SMC1A: variants seen among roughly 807,000 people sequenced by gnomAD.
SMC1A encodes the protein structural maintenance of chromosomes 1A, also known as structural maintenance of chromosomes protein 1A.
Under a neutral mutation model 94.5 loss-of-function variants are expected in SMC1A, and 4 were observed. The observed-to-expected ratio is 0.04, with a 90% confidence interval of 0.02 to 0.10. The LOEUF is 0.10. Ranked by LOEUF, SMC1A falls within the 10% of genes least tolerant of loss-of-function variation. SMC1A has a pLI of 1.00. For synonymous variants in SMC1A, 345 were observed against 347.7 expected (o/e 0.99, Z 0.09); for missense variants, 304 against 989.0 (o/e 0.31, Z 9.29).
At chrX:53,394,376 C>T (rs192999357) in intron 19 of SMC1A, among the ~76,000 whole-genome samples, 7 of 109,459 alleles carry the variant, frequency 6.4e-5, no homozygotes, top group East Asian at 2.9e-4. Context: ...GCGGAAGCCA[C>T]GGAAGTAAAG....
In SMC1A at chrX:53,378,018, T is replaced by C. The variant is rs1030897993; in HGVS notation, c.*2085A>G. On this transcript the variant is annotated 3_prime_UTR_variant, in exon 25 of 25. Transcript: ENST00000322213. ...TGTCTTTTAATATGTATTAGAAGAATACATAATTAGCACACATCAAACCTG... is the reference window on the plus strand; with the variant it reads ...TGTCTTTTAATATGTATTAGAAGAACACATAATTAGCACACATCAAACCTG... 3.6e-5 allele frequency: 4 copies of C among 112,470 alleles called. No individual in the cohort carries two copies. Among genetic ancestry groups the C allele is most frequent in the Non-Finnish European group, 5.6e-5 (3 of 53,355 alleles). 9.3% of individuals were successfully genotyped at this position (112,470 alleles called of 1,213,427 possible).
In SMC1A at chrX:53,421,768, C is replaced by T. The variant is rs985890416; in HGVS notation, c.109+724G>A. ...TGGAGTTGGTTTATTCTATTCTCCG[C>T]TGTTTCCACAACTTGCAACTGAATA... On this transcript the variant is annotated intron_variant, in intron 1 of 24. Coordinates refer to ENST00000322213, the MANE Select transcript of SMC1A (RefSeq NM_006306.4). 9 of 721,026 alleles carry T rather than the reference C, an allele frequency of 1.2e-5. No individual in the cohort carries two copies. The East Asian group carries it at 2.8e-4, about 22-fold the overall frequency. The allele number at this position is 721,026 out of a possible 1,213,427, so 59.4% of individuals were successfully genotyped here. A position where few individuals can be genotyped will look rare whatever the true frequency, so the allele number is the denominator to read the frequency against.
chrX:53,412,796 CAG>C, intron 5 of SMC1A, 102 bp downstream of exon 5: 1 of 1,140,271 alleles, frequency 8.8e-7, no homozygotes, highest in Non-Finnish European at 1.2e-6. Context: ...AGGAGAATAA[CAG>C]AGAAATGAGT....
chrX:53,409,799 T>C (rs1556890257), intron 7 of SMC1A, among the ~76,000 whole-genome samples: 1 of 112,192 alleles, frequency 8.9e-6, no homozygotes, highest in Non-Finnish European at 1.9e-5. Flanking sequence ...CACAGGCCTT[T>C]CTGTACCTGT....
At chrX:53,419,238 A>G (rs140551050) in intron 1 of SMC1A, among the ~76,000 whole-genome samples, 240 of 109,957 alleles carry the variant, frequency 2.2e-3, no homozygotes, top group Middle Eastern at 9.5e-3. Context: ...GTATAAGACT[A>G]TGATTAGGTT....
At chrX:53,411,107 A>G (rs1212617891) in intron 7 of SMC1A, among the ~76,000 whole-genome samples, 1 of 108,682 alleles carries the variant, frequency 9.2e-6, no homozygotes, top group Non-Finnish European at 1.9e-5. Context: ...AAATAACAAT[A>G]ATCTTGTGAC....
At chrX:53,421,757 T>C in intron 1 of SMC1A, 1 of 649,378 alleles carries the variant, frequency 1.5e-6, no homozygotes. Context: ...GTTGGTTTAT[T>C]CTATTCTCCG....
At chrX:53,407,829 G>GT (rs1281329428) in intron 9 of SMC1A, among the ~76,000 whole-genome samples, 1 of 111,098 alleles carries the variant, frequency 9.0e-6, no homozygotes, top group African/African-American at 3.3e-5. Context: ...AAACACTTTG[G>GT]TTTTTTCCTA....
chrX:53,393,435 T>A (rs1412173806), intron 19 of SMC1A, among the ~76,000 whole-genome samples: 2 of 111,165 alleles, frequency 1.8e-5, no homozygotes, highest in African/African-American at 3.3e-5. Flanking sequence ...GCAAAAAAAA[T>A]AAAAATAAAA....
At chrX:53,388,953 C>T (rs1016229364) in intron 19 of SMC1A, among the ~76,000 whole-genome samples, 1 of 98,230 alleles carries the variant, frequency 1.0e-5, no homozygotes, top group African/African-American at 3.8e-5. Context: ...GCCAAGATCG[C>T]GCCACTGCAC....
chrX:53,388,895 G>C (rs1602401474), intron 19 of SMC1A, among the ~76,000 whole-genome samples: 1 of 106,290 alleles, frequency 9.4e-6, no homozygotes, highest in Non-Finnish European at 1.9e-5. Context: ...TACTTGGGAG[G>C]CTGAGGCAGG....
At chrX:53,411,008 T>C (rs781900373) in intron 7 of SMC1A, among the ~76,000 whole-genome samples, 148 of 103,039 alleles carry the variant, frequency 1.4e-3, no homozygotes, top group Middle Eastern at 5.2e-3. Context: ...GGTTGGAAGA[T>C]TGCTTAAGCC....
intron 15 of SMC1A, 40 bp from the exon 16 acceptor site, chrX:53,399,770 T>G: frequency 4.3e-6 from 5 of 1,171,743 alleles, no homozygotes; most frequent in Non-Finnish European, 5.8e-6. Flanking sequence ...CATAATCTCA[T>G]CAGCCAGAGA....
rs1556885695 is a variant in SMC1A, at chrX:53,380,094, A to C, written c.*9T>G. On this transcript the variant is annotated 3_prime_UTR_variant, in exon 25 of 25. Transcript: ENST00000322213. Reference sequence around the variant, plus strand: ...GGGATCCAGACAGGGCGGGAGGGCAAAAATACTGCTACTGCTCATTGGGGT... The same window carrying C: ...GGGATCCAGACAGGGCGGGAGGGCACAAATACTGCTACTGCTCATTGGGGT... 2 of 1,192,905 alleles carry C rather than the reference A, an allele frequency of 1.7e-6. No individual in the cohort carries two copies. The highest frequency in any genetic ancestry group is 4.4e-5 in the Admixed American group (2 of 45,955).
intron 9 of SMC1A, 119 bp downstream of exon 9, chrX:53,408,943 G>A: frequency 1.5e-6 from 1 of 675,380 alleles, no homozygotes; most frequent in Middle Eastern, 4.7e-4. Context: ...ACCTCTCCGA[G>A]CCTCATTTCC....
rs782182247 is a variant in SMC1A, at chrX:53,377,835, T to C, written c.*2268A>G. Reference sequence around the variant, plus strand: ...ACTTAGGCTCAGAGGTGAAGTAACTTGCACAAGTTTCTACAGCTAGAATTT... The same window carrying C: ...ACTTAGGCTCAGAGGTGAAGTAACTCGCACAAGTTTCTACAGCTAGAATTT... On this transcript the variant is annotated 3_prime_UTR_variant, in exon 25 of 25. Coordinates refer to ENST00000322213, the MANE Select transcript of SMC1A (RefSeq NM_006306.4). 2 of 112,312 alleles carry C rather than the reference T, an allele frequency of 1.8e-5. No individual in the cohort carries two copies. Among genetic ancestry groups the C allele is most frequent in the South Asian group, 7.4e-4 (2 of 2,702 alleles). 9.3% of individuals were successfully genotyped at this position (112,312 alleles called of 1,213,427 possible).
chrX:53,418,864 G>A (rs1033062931), intron 1 of SMC1A, among the ~76,000 whole-genome samples: 19 of 109,474 alleles, frequency 1.7e-4, no homozygotes, highest in Admixed American at 1.1e-3. Flanking sequence ...CCAACATGGT[G>A]AAACCCCGTC....
At chrX:53,422,155 G>A (rs1264304069) in intron 1 of SMC1A, 1 of 861,339 alleles carries the variant, frequency 1.2e-6, no homozygotes, top group Non-Finnish European at 1.6e-6. Context: ...CGGTCCGGCG[G>A]GGAGCCGCGC....
At chrX:53,390,973 C>CAAAAAAAAAAAAAAAAAAAAAAAAAA (rs782771730) in intron 19 of SMC1A, among the ~76,000 whole-genome samples, 3 of 34,321 alleles carry the variant, frequency 8.7e-5, no homozygotes, top group African/African-American at 2.8e-4. Context: ...GACTCCGTCT[C>CAAAAAAAAAAAAAAAAAAAAAAAAAA]AAAAAAAAAA....
Sources: allele counts gnomAD v4.1 joint callset (sites outside exome capture counted in the v4.1 genomes callset), GRCh38; gene constraint gnomAD v4.1.1; transcripts MANE v1.5; gene names NCBI Gene and HGNC (gene_info 2026-07-23, HGNC 2026-07-21).